Variants in ATP8A1 observed in about 807,000 individuals in gnomAD.
ATP8A1 encodes the protein ATPase phospholipid transporting 8A1, also known as phospholipid-transporting ATPase IA.
A neutral mutation model predicts 177.7 loss-of-function variants in ATP8A1; 90 were observed. The ratio of observed to expected loss-of-function variants is 0.51; its 90% CI spans 0.43 to 0.60. The LOEUF (loss-of-function observed/expected upper bound fraction) is 0.60, where lower values mean the gene tolerates loss of function less well. ATP8A1 is among the 20% of genes least tolerant of loss of function. ATP8A1 has a pLI of 0.00. For missense variants in ATP8A1, 1,072 were observed against 1,392.8 expected (o/e 0.77, Z 3.67); for synonymous variants, 493 against 485.9 (o/e 1.01, Z -0.19).
chr4:42,552,509 A>C lies in ATP8A1; in HGVS notation c.1515T>G (p.Ser505=). The change falls in exon 17 of 37, where the codon TCT becomes TCG. Residue 505 remains serine (S), a synonymous_variant. Coordinates refer to ENST00000381668, the MANE Select transcript of ATP8A1 (RefSeq NM_006095.2). ...EGDKIIYQAA[S]PDEGALVRAA... ...TTACAATTGCTTCATTTGTACCTGG[A>C]GATGCTGCTTGATAAATAATCTTGT... is the stretch of plus-strand genomic sequence containing the variant. The C allele has an allele frequency of 6.2e-7, 1 of 1,606,990 alleles. No homozygotes were observed. The highest frequency in any genetic ancestry group is 8.5e-7 in the Non-Finnish European group (1 of 1,175,030).
intron 33 of ATP8A1, among the ~76,000 whole-genome samples, chr4:42,434,365 A>G (rs1247457703): frequency 6.6e-6 from 1 of 152,224 alleles, no homozygotes; most frequent in Non-Finnish European, 1.5e-5. Context: ...TTAAAAAGCC[A>G]TCTCATAAAG....
At chr4:42,488,706 GTTTCT>G (rs758627891) in intron 24 of ATP8A1, among the ~76,000 whole-genome samples, 12 of 152,092 alleles carry the variant, frequency 7.9e-5, no homozygotes, top group Middle Eastern at 3.4e-3. Flanking sequence ...CACAATCTTG[GTTTCT>G]TTTGTTTCCC....
intron 9 of ATP8A1, among the ~76,000 whole-genome samples, chr4:42,582,017 G>A (rs1733137283): frequency 6.6e-6 from 1 of 152,070 alleles, no homozygotes; most frequent in Non-Finnish European, 1.5e-5. Context: ...TACCACCAAT[G>A]TAATGGCATT....
intron 6 of ATP8A1, among the ~76,000 whole-genome samples, chr4:42,593,311 A>C (rs1446051194): frequency 6.6e-6 from 1 of 152,102 alleles, no homozygotes; most frequent in African/African-American, 2.4e-5. Context: ...TTATAAGCAA[A>C]GGAAACTAAG....
chr4:42,437,280 A>G (rs1329924568), intron 33 of ATP8A1, among the ~76,000 whole-genome samples: 1 of 152,154 alleles, frequency 6.6e-6, no homozygotes, highest in Non-Finnish European at 1.5e-5. Flanking sequence ...TGGCTAAACT[A>G]TTTTCTCCTA....
At chr4:42,587,279 T>TG (rs1577650810) in intron 8 of ATP8A1, among the ~76,000 whole-genome samples, 1 of 151,952 alleles carries the variant, frequency 6.6e-6, no homozygotes, top group African/African-American at 2.4e-5. Flanking sequence ...ACTTGTGTTG[T>TG]GGGAGCTTGT....
intron 25 of ATP8A1, among the ~76,000 whole-genome samples, chr4:42,479,750 G>A (rs185263333): frequency 6.6e-6 from 1 of 152,284 alleles, no homozygotes; most frequent in East Asian, 1.9e-4. Flanking sequence ...TTTATTCAAA[G>A]TTAGTATGAA....
intron 18 of ATP8A1, among the ~76,000 whole-genome samples, chr4:42,550,006 G>A (rs1340284575): frequency 6.6e-6 from 1 of 152,128 alleles, no homozygotes; most frequent in South Asian, 2.1e-4. Context: ...ATTGTGCAGT[G>A]TGGTAATTAG....
chr4:42,540,547 A>G (rs1728278965), intron 20 of ATP8A1, among the ~76,000 whole-genome samples: 1 of 130,092 alleles, frequency 7.7e-6, no homozygotes, highest in African/African-American at 2.9e-5. Context: ...TCAACAGACC[A>G]ATAGATAAAA....
At chr4:42,431,291 T>C (rs1278300544) in intron 33 of ATP8A1, among the ~76,000 whole-genome samples, 1 of 152,170 alleles carries the variant, frequency 6.6e-6, no homozygotes, top group African/African-American at 2.4e-5. Context: ...TTCTCTGCAT[T>C]TATAATTATT....
At chr4:42,481,755 A>G (rs1721694010) in intron 25 of ATP8A1, among the ~76,000 whole-genome samples, 1 of 152,170 alleles carries the variant, frequency 6.6e-6, no homozygotes, top group South Asian at 2.1e-4. Flanking sequence ...GAAATTTTAC[A>G]TGTTTGTGTG....
intron 1 of ATP8A1, among the ~76,000 whole-genome samples, chr4:42,651,184 T>C (rs1356917213): frequency 3.4e-5 from 4 of 118,386 alleles, no homozygotes; most frequent in Non-Finnish European, 5.6e-5. Context: ...TCCCCAGCCA[T>C]GTAAGTCCAT....
intron 20 of ATP8A1, among the ~76,000 whole-genome samples, chr4:42,542,211 A>C (rs1001394287): frequency 6.6e-6 from 1 of 152,162 alleles, no homozygotes; most frequent in Non-Finnish European, 1.5e-5. Flanking sequence ...TATGAAATAT[A>C]TTAAATTTTT....
intron 25 of ATP8A1, among the ~76,000 whole-genome samples, chr4:42,467,230 C>A (rs1035205244): frequency 3.3e-5 from 5 of 152,110 alleles, no homozygotes; most frequent in African/African-American, 1.2e-4. Context: ...TTAAAATTGG[C>A]TGAGGATTTT....
At position 42,657,075 on chromosome 4, in the gene ATP8A1, T is replaced by C. The variant is rs1741722974; in HGVS notation, c.-202A>G. The C allele has an allele frequency of 2.3e-6, 1 of 438,620 alleles. No homozygotes were observed. Among genetic ancestry groups the C allele is most frequent in the African/African-American group, 2.0e-5 (1 of 48,858 alleles). 27.2% of individuals were successfully genotyped at this position (438,620 alleles called of 1,614,324 possible). A position where few individuals can be genotyped will look rare whatever the true frequency, so the allele number is the denominator to read the frequency against. ...AGAAAGGCAGCGGTGGCGGCGAAGG[T>C]GGCGGCGCCCGCAGAGCTGGGCGAG... is the stretch of plus-strand genomic sequence containing the variant. On this transcript the variant is annotated 5_prime_UTR_variant, in exon 1 of 37. Coordinates refer to ENST00000381668, the MANE Select transcript of ATP8A1 (RefSeq NM_006095.2).
intron 8 of ATP8A1, 88 bp from the exon 9 acceptor site, chr4:42,586,564 A>G (rs193216438): frequency 5.2e-5 from 63 of 1,203,050 alleles, no homozygotes; most frequent in Admixed American, 1.2e-4. Context: ...TCCAAGTCTT[A>G]AGATCTAAAA....
At position 42,576,710 on chromosome 4, in the gene ATP8A1, T is replaced by A. The variant is rs188872777; in HGVS notation, c.1129-1011A>T. 6.6e-5 allele frequency among the ~76,000 whole-genome samples: 10 copies of A among 152,252 alleles called. No individual in the cohort carries two copies. The East Asian group carries it at 1.9e-3, about 29-fold the overall frequency. On this transcript the variant is annotated intron_variant, in intron 12 of 36. Transcript: ENST00000381668. ...TGTCTGTATTCTGAACTGATCAACA[T>A]CACTTCTGAAATAGGTTATTGAGTT...
intron 27 of ATP8A1, among the ~76,000 whole-genome samples, chr4:42,463,728 A>G (rs1457680573): frequency 2.0e-5 from 3 of 152,228 alleles, no homozygotes; most frequent in Non-Finnish European, 4.4e-5. Flanking sequence ...TGTTTGACAC[A>G]TAAAACGGAT....
intron 20 of ATP8A1, among the ~76,000 whole-genome samples, chr4:42,535,710 A>G (rs891496521): frequency 3.3e-5 from 5 of 152,242 alleles, no homozygotes; most frequent in Non-Finnish European, 5.9e-5. Flanking sequence ...ACCACATGAT[A>G]GACCACAAAA....
Sources: allele counts gnomAD v4.1 joint callset (sites outside exome capture counted in the v4.1 genomes callset), GRCh38; gene constraint gnomAD v4.1.1; transcripts MANE v1.5; gene names NCBI Gene and HGNC (gene_info 2026-07-23, HGNC 2026-07-21).